The following PTPRQ variants were observed in gnomAD, a reference collection of about 807,000 sequenced individuals.
PTPRQ encodes protein tyrosine phosphatase receptor type Q.
In PTPRQ, 199 loss-of-function variants were observed where a neutral mutation model predicts 246.0. The ratio of observed to expected loss-of-function variants is 0.81; its 90% confidence interval spans 0.72 to 0.91. The LOEUF is 0.91. PTPRQ is among the 40% of genes least tolerant of loss of function. PTPRQ has a pLI of 0.00. For missense variants in PTPRQ, 2,624 were observed against 2,528.4 expected (o/e 1.04, Z -0.81); for synonymous variants, 869 against 853.2 (o/e 1.02, Z -0.32).
chr12:80,534,419 A>G (rs1305068055), intron 18 of PTPRQ, among the ~76,000 whole-genome samples: 1 of 152,024 alleles, frequency 6.6e-6, no homozygotes, highest in African/African-American at 2.4e-5. Context: ...GTTCTTATGA[A>G]GATTACATAA....
intron 8 of PTPRQ, among the ~76,000 whole-genome samples, chr12:80,484,026 G>A (rs1443096279): frequency 1.5e-5 from 2 of 137,188 alleles, no homozygotes; most frequent in Non-Finnish European, 1.6e-5. Context: ...TTTGTTTTTT[G>A]ATGGAGTCTT....
At chr12:80,595,623 G>T (rs1643956586) in intron 26 of PTPRQ, among the ~76,000 whole-genome samples, 1 of 151,660 alleles carries the variant, frequency 6.6e-6, no homozygotes, top group Admixed American at 6.6e-5. Context: ...GTGCAGGTTA[G>T]TTACATATGT....
chr12:80,455,361 T>C (rs1288055434), intron 3 of PTPRQ, among the ~76,000 whole-genome samples: 1 of 152,210 alleles, frequency 6.6e-6, no homozygotes, highest in Non-Finnish European at 1.5e-5. Flanking sequence ...AATTTAGCCC[T>C]TATAACTGAA....
intron 3 of PTPRQ, among the ~76,000 whole-genome samples, chr12:80,447,658 TC>T (rs201357354): frequency 0.015 from 2,219 of 150,918 alleles, 29 homozygotes; most frequent in Admixed American, 0.024. Context: ...GAACAGAATA[TC>T]CTTTCCCCAT....
intron 37 of PTPRQ, among the ~76,000 whole-genome samples, chr12:80,650,199 G>A (rs1315780114): frequency 1.3e-5 from 2 of 151,814 alleles, no homozygotes; most frequent in Non-Finnish European, 2.9e-5. Flanking sequence ...GATAAGTAAT[G>A]TCCACGTTTT....
At position 80,605,146 on chromosome 12, in the gene PTPRQ, C is replaced by T. The variant is rs1898269263; in HGVS notation, c.4697C>T (p.Thr1566Ile). The change falls in exon 27 of 45, where the codon ACT becomes ATT. Residue 1566 changes from threonine (T) to isoleucine (I), a missense_variant. By Grantham distance (89) the Thr-to-Ile change is moderately conservative. Coordinates refer to ENST00000644991, the MANE Select transcript of PTPRQ (RefSeq NM_001145026.2). The part of the protein sequence containing the change: ...SISWSEPAVI[T>I]GPTCYLIDVK... The stretch of plus-strand genomic sequence containing the variant: ...AGCTGGAGTGAACCTGCTGTCATTA[C>T]TGGACCAACATGTTATCTGATTGAT... 1 of 1,544,944 alleles carries T rather than the reference C, an allele frequency of 6.5e-7. No individual in the cohort carries two copies. Among genetic ancestry groups the T allele is most frequent in the East Asian group, 2.5e-5 (1 of 40,634 alleles).
chr12:80,624,557 T>C lies in PTPRQ; in HGVS notation c.5686+2423T>C, dbSNP rs373786938. ...TTGCTTGGTTTGTAATCGTTAGTTGTAGTGAAATGAGAATGCACCCCTGGA... is the reference window on the plus strand; with the variant it reads ...TTGCTTGGTTTGTAATCGTTAGTTGCAGTGAAATGAGAATGCACCCCTGGA... On this transcript the variant is annotated intron_variant, in intron 33 of 44. Transcript: ENST00000644991. Among the ~76,000 whole-genome samples the C allele has an allele frequency of 5.9e-5, 9 of 152,174 alleles. No homozygotes were observed. In the East Asian group the frequency reaches 1.3e-3, roughly 23 times the overall value.
At chr12:80,652,505 G>C (rs936458995) in intron 37 of PTPRQ, among the ~76,000 whole-genome samples, 1 of 151,978 alleles carries the variant, frequency 6.6e-6, no homozygotes, top group Non-Finnish European at 1.5e-5. Context: ...GCTTCCCAAA[G>C]TGCAAAGAAA....
At chr12:80,607,849 TTGAC>T (rs1240888915) in intron 27 of PTPRQ, among the ~76,000 whole-genome samples, 1 of 150,816 alleles carries the variant, frequency 6.6e-6, no homozygotes, top group Admixed American at 6.6e-5. Flanking sequence ...CTTTTACTCT[TTGAC>T]TGAACAAATT....
At chr12:80,599,427 G>A (rs919243944) in intron 26 of PTPRQ, among the ~76,000 whole-genome samples, 2 of 151,770 alleles carry the variant, frequency 1.3e-5, no homozygotes, top group African/African-American at 4.8e-5. Flanking sequence ...CAGTTTATGG[G>A]GAGACAAACA....
At chr12:80,448,438 T>C (rs1194960706) in intron 3 of PTPRQ, among the ~76,000 whole-genome samples, 3 of 152,166 alleles carry the variant, frequency 2.0e-5, no homozygotes, top group South Asian at 2.1e-4. Flanking sequence ...GTTAGTTACA[T>C]ATGTATACAT....
chr12:80,454,722 G>A (rs58822047), intron 3 of PTPRQ, among the ~76,000 whole-genome samples: 3,743 of 151,710 alleles, frequency 0.025, 161 homozygotes, highest in African/African-American at 0.086. Flanking sequence ...CTGTTGAGAC[G>A]ATCATATGGC....
chr12:80,546,545 C>T lies in PTPRQ; in HGVS notation c.3874-11C>T, dbSNP rs1163527048. ...AGTGCATTAACTAATAACTTTTTTT[C>T]TGTTTTTCAGAATATATCAGGATTT... On this transcript the variant is annotated splice_polypyrimidine_tract_variant and intron_variant, in intron 23 of 44. Coordinates refer to ENST00000644991, the MANE Select transcript of PTPRQ (RefSeq NM_001145026.2). 4 of 1,530,360 alleles carry T rather than the reference C, an allele frequency of 2.6e-6. No individual in the cohort carries two copies. Among genetic ancestry groups the T allele is most frequent in the Admixed American group, 4.5e-5 (2 of 44,848 alleles). 94.8% of individuals were successfully genotyped at this position (1,530,360 alleles called of 1,614,324 possible).
At chr12:80,454,952 G>C (rs560710133) in intron 3 of PTPRQ, among the ~76,000 whole-genome samples, 6 of 152,120 alleles carry the variant, frequency 3.9e-5, no homozygotes, top group African/African-American at 1.4e-4. Context: ...CGAGGCGGGC[G>C]GATCACCTGA....
chr12:80,487,335 G>C (rs1250249083), intron 9 of PTPRQ, among the ~76,000 whole-genome samples: 2 of 152,092 alleles, frequency 1.3e-5, no homozygotes, highest in East Asian at 1.9e-4. Flanking sequence ...GACCTGTGCA[G>C]GTTCCCACAG....
rs748763943 is a variant in PTPRQ, at chr12:80,496,450, A to G, written c.2191A>G (p.Asn731Asp). ...LRNLRPHTLY[N>D]ISVRSYTRFG... is the part of the protein sequence containing the mutation. ...GAACTTAAGACCTCACACCCTCTATAACATTTCTGTAAGGTCTTACACCAG... is the reference window on the plus strand; with the variant it reads ...GAACTTAAGACCTCACACCCTCTATGACATTTCTGTAAGGTCTTACACCAG... Residue 731 changes from asparagine (N) to aspartate (D), a missense_variant, in exon 14 of 45, where the codon AAC becomes GAC. Asn to Asp is a conservative substitution (Grantham distance 23). Coordinates refer to ENST00000644991, the MANE Select transcript of PTPRQ (RefSeq NM_001145026.2). The G allele has an allele frequency of 1.9e-6, 3 of 1,550,786 alleles. No individual in the cohort carries two copies. Among genetic ancestry groups the G allele is most frequent in the Non-Finnish European group, 2.6e-6 (3 of 1,146,448 alleles).
At chr12:80,567,768 C>T (rs1897023302) in intron 25 of PTPRQ, among the ~76,000 whole-genome samples, 1 of 151,960 alleles carries the variant, frequency 6.6e-6, no homozygotes, top group African/African-American at 2.4e-5. Context: ...AATCTTTTTT[C>T]TGTAATTACA....
intron 26 of PTPRQ, among the ~76,000 whole-genome samples, chr12:80,590,645 GC>G (rs1897765266): frequency 7.5e-6 from 1 of 132,472 alleles, no homozygotes; most frequent in Admixed American, 8.3e-5. Context: ...TCCAGCCTGG[GC>G]ACAGAGCAAG....
Position 80,484,665 on chromosome 12 carries a change from G to A in PTPRQ, c.1359+60G>A, listed in dbSNP as rs1480930554. The A allele has an allele frequency of 2.0e-6, 3 of 1,518,148 alleles. No homozygotes were observed. The Admixed American group carries it at 6.9e-5, about 35-fold the overall frequency. 94.0% of individuals were successfully genotyped at this position (1,518,148 alleles called of 1,614,324 possible). Reference sequence around the variant, plus strand: ...TTTCTGCTTGGTTCTGGCTCTGATAGCTTGGAAGATTTGCTAGCACCCACA... The same window carrying A: ...TTTCTGCTTGGTTCTGGCTCTGATAACTTGGAAGATTTGCTAGCACCCACA... On this transcript the variant is annotated intron_variant, in intron 9 of 44. Coordinates refer to ENST00000644991, the MANE Select transcript of PTPRQ (RefSeq NM_001145026.2).
Sources: gnomAD v4.1 joint callset for allele counts (sites outside exome capture counted in the v4.1 genomes callset) on GRCh38, gnomAD v4.1.1 for gene constraint, MANE v1.5 for transcripts, NCBI Gene and HGNC (gene_info 2026-07-23, HGNC 2026-07-21) for gene names.